STK32A: variants seen among roughly 807,000 people sequenced by gnomAD.
STK32A encodes the protein serine/threonine-protein kinase 32A.
STK32A carries 41 observed loss-of-function variants against 53.2 expected under a neutral mutation model. The observed-to-expected ratio is 0.77, with a 90% CI of 0.60 to 1.00. STK32A has a LOEUF of 1.00. Among genes scored for constraint, STK32A ranks in the 50% least tolerant of loss-of-function variants. The probability of loss-of-function intolerance (pLI) is 0.00; values close to 1 mark genes in which losing one functional copy is unlikely to be tolerated. For missense variants in STK32A, 458 were observed against 485.8 expected (o/e 0.94, Z 0.54); for synonymous variants, 166 against 162.8 (o/e 1.02, Z -0.15).
chr5:147,352,877 C>A (rs1756049716), intron 7 of STK32A, among the ~76,000 whole-genome samples: 1 of 152,066 alleles, frequency 6.6e-6, no homozygotes, highest in East Asian at 1.9e-4. Flanking sequence ...AGGCTGTGAT[C>A]CACCTTCACA....
chr5:147,271,000 ATTTT>A (rs10590732), intron 2 of STK32A, among the ~76,000 whole-genome samples: 45 of 148,498 alleles, frequency 3.0e-4, no homozygotes, highest in Admixed American at 4.0e-4. Context: ...ATCATAGATA[ATTTT>A]TTTTTTTTTT....
At chr5:147,265,288 T>C (rs1170913805) in intron 2 of STK32A, among the ~76,000 whole-genome samples, 4 of 152,068 alleles carry the variant, frequency 2.6e-5, no homozygotes, top group East Asian at 3.9e-4. Context: ...ATTTTTATCT[T>C]TCATCAAAGC....
chr5:147,314,506 ACAAAAAAAAAC>A (rs1753873576), intron 4 of STK32A, among the ~76,000 whole-genome samples: 3 of 50,114 alleles, frequency 6.0e-5, no homozygotes, highest in African/African-American at 2.4e-4. Flanking sequence ...ATCAAAAAAA[ACAAAAAAAAAC>A]AAAAAAAAAC....
intron 4 of STK32A, among the ~76,000 whole-genome samples, chr5:147,310,466 C>T (rs532435870): frequency 2.6e-5 from 4 of 152,246 alleles, no homozygotes; most frequent in South Asian, 2.1e-4. Context: ...CCTGTCTCTC[C>T]GCTCTGGAGA....
In STK32A at chr5:147,387,667, T is replaced by G. The variant is rs1301848538; in HGVS notation, c.*3684T>G. The G allele has an allele frequency of 1.3e-5, 2 of 152,254 alleles. No individual in the cohort carries two copies. The highest frequency in any genetic ancestry group is 1.3e-4 in the Admixed American group (2 of 15,292). 9.4% of individuals were successfully genotyped at this position (152,254 alleles called of 1,614,324 possible). A position where few individuals can be genotyped will look rare whatever the true frequency, so the allele number is the denominator to read the frequency against. On this transcript the variant is annotated 3_prime_UTR_variant, in exon 13 of 13. Coordinates refer to ENST00000397936, the MANE Select transcript of STK32A (RefSeq NM_001112724.2). ...GCTATCTGTCTGTGATTCCTGTTTA[T>G]TACAAATTCAGTGTGTCTGACTGAT...
intron 4 of STK32A, among the ~76,000 whole-genome samples, chr5:147,301,014 C>T (rs4441917): frequency 6.6e-6 from 1 of 152,006 alleles, no homozygotes; most frequent in African/African-American, 2.4e-5. Context: ...AAGGCAGATT[C>T]ATAGGAGAAA....
Position 147,324,230 on chromosome 5 carries a change from T to G in STK32A, c.434+159T>G, listed in dbSNP as rs78904858. On this transcript the variant is annotated intron_variant, in intron 5 of 12. Coordinates refer to ENST00000397936, the MANE Select transcript of STK32A (RefSeq NM_001112724.2). The stretch of plus-strand genomic sequence containing the variant: ...TTGATTGTCTTCATTTTGCAGATTT[T>G]GTAAAAGACTGAACACATAGAGCTT... Among the ~76,000 whole-genome samples the G allele has an allele frequency of 7.0e-3, 1,059 of 152,318 alleles. 19 individuals are homozygous for G. The highest frequency in any genetic ancestry group is 0.024 in the African/African-American group (1,010 of 41,556).
chr5:147,375,261 T>C, intron 11 of STK32A, 43 bp downstream of exon 11: 1 of 1,594,728 alleles, frequency 6.3e-7, no homozygotes, highest in Non-Finnish European at 8.5e-7. Flanking sequence ...GGTATCCCCA[T>C]GATGGCTGCA....
chr5:147,327,691 C>T (rs1561723119), intron 5 of STK32A, among the ~76,000 whole-genome samples: 1 of 152,182 alleles, frequency 6.6e-6, no homozygotes, highest in African/African-American at 2.4e-5. Context: ...AGGTTTATGG[C>T]ACTTTGTCCC....
At chr5:147,281,401 T>TA (rs1581034676) in intron 4 of STK32A, among the ~76,000 whole-genome samples, 2 of 151,902 alleles carry the variant, frequency 1.3e-5, no homozygotes, top group Non-Finnish European at 2.9e-5. Context: ...ATAGATAGCT[T>TA]AAAGAAAAAA....
intron 2 of STK32A, among the ~76,000 whole-genome samples, chr5:147,258,616 A>C (rs938102691): frequency 3.3e-5 from 5 of 152,086 alleles, no homozygotes; most frequent in Non-Finnish European, 5.9e-5. Context: ...CTTTCTTTAA[A>C]CAACTAGTTA....
At chr5:147,361,094 A>G (rs115479180) in intron 7 of STK32A, among the ~76,000 whole-genome samples, 80 of 152,266 alleles carry the variant, frequency 5.3e-4, no homozygotes, top group African/African-American at 1.9e-3. Flanking sequence ...AGATTATCCA[A>G]TGTATGCTGT....
At chr5:147,267,609 A>G (rs2151949782) in intron 2 of STK32A, among the ~76,000 whole-genome samples, 1 of 152,308 alleles carries the variant, frequency 6.6e-6, no homozygotes, top group Non-Finnish European at 1.5e-5. Context: ...ATTATTAACT[A>G]TGACCTAAGA....
chr5:147,366,822 T>G (rs1561750776), intron 8 of STK32A, among the ~76,000 whole-genome samples: 1 of 152,062 alleles, frequency 6.6e-6, no homozygotes, highest in African/African-American at 2.4e-5. Context: ...TAGATAGATA[T>G]AGATAGATGT....
chr5:147,383,534 C>G (rs1457870862), intron 12 of STK32A, 29 bp downstream of exon 12: 3 of 1,529,198 alleles, frequency 2.0e-6, no homozygotes, highest in Non-Finnish European at 1.8e-6. Flanking sequence ...AACAACAGCC[C>G]CAGAAATGGT....
chr5:147,240,370 T>A (rs1307236993), intron 2 of STK32A, among the ~76,000 whole-genome samples: 1 of 152,044 alleles, frequency 6.6e-6, no homozygotes, highest in Admixed American at 6.6e-5. Context: ...GGGAAAAAAA[T>A]GCCCCAAGCC....
intron 2 of STK32A, among the ~76,000 whole-genome samples, chr5:147,271,262 G>T (rs1215485332): frequency 6.6e-6 from 1 of 151,962 alleles, no homozygotes; most frequent in African/African-American, 2.4e-5. Context: ...AAATTGTGAA[G>T]ATTTAATGGA....
chr5:147,399,322 A>G, the STK32A span: 13 of 1,498,896 alleles, frequency 8.7e-6, no homozygotes, highest in Non-Finnish European at 1.2e-5. Context: ...TTCTGAACTC[A>G]GAGAAAGACA....
chr5:147,274,028 C>T (rs1167155792), intron 2 of STK32A, among the ~76,000 whole-genome samples: 1 of 152,180 alleles, frequency 6.6e-6, no homozygotes, highest in Admixed American at 6.5e-5. Flanking sequence ...AATGTGTACT[C>T]ACCCAAAAGA....
Sources: allele counts gnomAD v4.1 joint callset (sites outside exome capture counted in the v4.1 genomes callset), GRCh38; gene constraint gnomAD v4.1.1; transcripts MANE v1.5; gene names NCBI Gene and HGNC (gene_info 2026-07-23, HGNC 2026-07-21).